Variants in PSMA1 observed in about 807,000 individuals in gnomAD.
The protein encoded by PSMA1 is proteasome subunit alpha type-1.
Under a neutral mutation model 38.4 loss-of-function variants are expected in PSMA1, and 3 were observed. The ratio of observed to expected loss-of-function variants is 0.08; its 90% CI spans 0.04 to 0.20. PSMA1 has a LOEUF of 0.20. Ranked by LOEUF, PSMA1 falls within the 10% of genes least tolerant of loss-of-function variation. The pLI is 1.00. For synonymous variants in PSMA1, 101 were observed against 107.1 expected, an observed-to-expected ratio of 0.94 and a Z score of 0.35; for missense variants, 227 against 325.3, an observed-to-expected ratio of 0.70 and a Z score of 2.32.
chr11:14,600,796 A>G (rs2134193669), intron 2 of PSMA1, among the ~76,000 whole-genome samples: 1 of 152,276 alleles, frequency 6.6e-6, no homozygotes, highest in East Asian at 1.9e-4. Flanking sequence ...CCTCAGTTGG[A>G]AATGCAGAAA....
At chr11:14,608,344 G>A (rs921256710) in intron 2 of PSMA1, among the ~76,000 whole-genome samples, 1 of 151,512 alleles carries the variant, frequency 6.6e-6, no homozygotes, top group African/African-American at 2.4e-5. Flanking sequence ...GCGAGACCCT[G>A]TCTCTATTAT....
intron 2 of PSMA1, among the ~76,000 whole-genome samples, chr11:14,577,782 G>A (rs1168462669): frequency 6.6e-6 from 1 of 152,124 alleles, no homozygotes; most frequent in Non-Finnish European, 1.5e-5. Context: ...AGACAGTCAG[G>A]CTCCAGTGTT....
At chr11:14,585,660 T>C (rs1852336613) in intron 2 of PSMA1, among the ~76,000 whole-genome samples, 2 of 152,204 alleles carry the variant, frequency 1.3e-5, no homozygotes, top group African/African-American at 4.8e-5. Flanking sequence ...TCATCTCTGA[T>C]AGGCAGACAG....
chr11:14,641,702 G>A (rs1853203976), intron 1 of PSMA1, among the ~76,000 whole-genome samples: 1 of 152,190 alleles, frequency 6.6e-6, no homozygotes, highest in Non-Finnish European at 1.5e-5. Context: ...TCAGAAAACA[G>A]TCATTTGACA....
chr11:14,632,677 G>A (rs1362554537), intron 1 of PSMA1, among the ~76,000 whole-genome samples: 1 of 145,660 alleles, frequency 6.9e-6, no homozygotes, highest in Non-Finnish European at 1.5e-5. Flanking sequence ...GTATCTTTGT[G>A]GCGTTCTCTG....
At chr11:14,545,627 G>A (rs1380299865) in intron 2 of PSMA1, among the ~76,000 whole-genome samples, 3 of 152,196 alleles carry the variant, frequency 2.0e-5, no homozygotes, top group Non-Finnish European at 4.4e-5. Flanking sequence ...CTATGTCCCT[G>A]CAAAGGACAT....
At chr11:14,580,070 A>G (rs754193932) in intron 2 of PSMA1, among the ~76,000 whole-genome samples, 1 of 152,234 alleles carries the variant, frequency 6.6e-6, no homozygotes, top group Middle Eastern at 3.2e-3. Flanking sequence ...TGATTACTAC[A>G]AGAGAGCGAC....
intron 2 of PSMA1, among the ~76,000 whole-genome samples, chr11:14,556,001 C>A (rs1392734520): frequency 6.6e-6 from 1 of 152,192 alleles, no homozygotes; most frequent in Non-Finnish European, 1.5e-5. Context: ...ACCCTGGGGA[C>A]CTTCCTTGTC....
At chr11:14,537,587 G>A (rs1465475617) in intron 2 of PSMA1, among the ~76,000 whole-genome samples, 1 of 148,664 alleles carries the variant, frequency 6.7e-6, no homozygotes, top group Non-Finnish European at 1.5e-5. Flanking sequence ...AAATTTCCTG[G>A]CCCATGCTAA....
intron 1 of PSMA1, among the ~76,000 whole-genome samples, chr11:14,617,721 G>GTA (rs1590012126): frequency 6.6e-6 from 1 of 150,842 alleles, no homozygotes; most frequent in South Asian, 2.1e-4. Flanking sequence ...GTGTGTGTGT[G>GTA]TATATGGGGT....
intron 2 of PSMA1, among the ~76,000 whole-genome samples, chr11:14,554,712 A>T (rs1851924128): frequency 6.6e-6 from 1 of 152,160 alleles, no homozygotes; most frequent in African/African-American, 2.4e-5. Flanking sequence ...CAGTAGCCTT[A>T]ACATGTAAGA....
chr11:14,610,779 T>C, intron 2 of PSMA1: 1 of 593,036 alleles, frequency 1.7e-6, no homozygotes, highest in South Asian at 2.2e-5. Flanking sequence ...TATGATTTGC[T>C]GGATTTGAGC....
chr11:14,517,944 A>G lies in PSMA1; in HGVS notation c.86T>C (p.Val29Ala). The G allele has an allele frequency of 6.2e-7, 1 of 1,609,386 alleles. No individual in the cohort carries two copies. Among genetic ancestry groups the G allele is most frequent in the Non-Finnish European group, 8.5e-7 (1 of 1,178,590 alleles). ...IHQIEYAMEA[V>A]KQGSATVGLK... ...ACCAACTGTGGCTGAACCTTGTTTA[A>G]CAGCTTCCATTGCATATTCAATTTG... The change falls in exon 3 of 10, where the codon GTT (valine) becomes GCT (alanine). Residue 29 changes from valine (V) to alanine (A), a missense_variant. By Grantham distance (64) the Val-to-Ala change is moderately conservative. Coordinates refer to ENST00000396394, the MANE Select transcript of PSMA1 (RefSeq NM_002786.4).
intron 2 of PSMA1, among the ~76,000 whole-genome samples, chr11:14,608,836 T>C (rs1852674978): frequency 6.6e-6 from 1 of 151,598 alleles, no homozygotes; most frequent in Admixed American, 6.6e-5. Flanking sequence ...CAGTAAAAAA[T>C]ATTAGATTCC....
At chr11:14,597,840 T>C (rs997770494) in intron 2 of PSMA1, among the ~76,000 whole-genome samples, 2 of 152,184 alleles carry the variant, frequency 1.3e-5, no homozygotes, top group African/African-American at 2.4e-5. Flanking sequence ...ATTGTGATGT[T>C]AGGGTGTTGT....
intron 2 of PSMA1, among the ~76,000 whole-genome samples, chr11:14,548,440 A>C (rs1356263285): frequency 6.6e-6 from 1 of 152,174 alleles, no homozygotes; most frequent in African/African-American, 2.4e-5. Context: ...GCATGTATAC[A>C]CATACTTTTA....
rs1055360930 is a variant in PSMA1, at chr11:14,504,890, A to T, written c.*302T>A. The T allele has an allele frequency of 1.1e-5, 3 of 281,488 alleles. No individual in the cohort carries two copies. The highest frequency in any genetic ancestry group is 2.0e-5 in the Non-Finnish European group (3 of 150,072). The allele number at this position is 281,488 out of a possible 1,614,324, so 17.4% of individuals were successfully genotyped here. A position where few individuals can be genotyped will look rare whatever the true frequency, so the allele number is the denominator to read the frequency against. The stretch of plus-strand genomic sequence containing the variant: ...AAAACCCAATATACCAGGCGGTGAA[A>T]CAATTTTATTTCACAGTTGTCTTTA... On this transcript the variant is annotated 3_prime_UTR_variant, in exon 10 of 10. Coordinates refer to ENST00000396394, the MANE Select transcript of PSMA1 (RefSeq NM_002786.4).
At chr11:14,632,924 C>T (rs1277322752) in intron 1 of PSMA1, among the ~76,000 whole-genome samples, 9 of 150,306 alleles carry the variant, frequency 6.0e-5, no homozygotes, top group African/African-American at 9.8e-5. Flanking sequence ...TCCAGTTGAT[C>T]GCATCGGCTC....
intron 2 of PSMA1, among the ~76,000 whole-genome samples, chr11:14,592,127 G>A (rs1035660480): frequency 1.3e-5 from 2 of 151,970 alleles, no homozygotes; most frequent in Admixed American, 6.6e-5. Flanking sequence ...CCCGCCACAA[G>A]GAAGAAACTC....
Sources: allele counts gnomAD v4.1 joint callset (sites outside exome capture counted in the v4.1 genomes callset), GRCh38; gene constraint gnomAD v4.1.1; transcripts MANE v1.5; gene names NCBI Gene and HGNC (gene_info 2026-07-23, HGNC 2026-07-21).